MOB3B: variants seen among roughly 807,000 people sequenced by gnomAD.
The protein encoded by MOB3B is MOB kinase activator-like 2B.
MOB3B carries 7 observed loss-of-function variants against 18.7 expected under a neutral mutation model. The observed-to-expected ratio is 0.37, with a 90% CI of 0.21 to 0.70. MOB3B has a LOEUF of 0.70. Among genes scored for constraint, MOB3B ranks in the 30% least tolerant of loss-of-function variants. MOB3B has a pLI of 0.52. For missense variants in MOB3B, 253 were observed against 281.3 expected (o/e 0.90, Z 0.72); for synonymous variants, 111 against 99.9 (o/e 1.11, Z -0.66).
At chr9:27,369,251 T>A (rs1467192016) in intron 2 of MOB3B, among the ~76,000 whole-genome samples, 2 of 152,224 alleles carry the variant, frequency 1.3e-5, no homozygotes, top group Non-Finnish European at 2.9e-5. Flanking sequence ...TTCTTTGTCA[T>A]GGATGTAATA....
At chr9:27,525,342 C>T (rs1820420699) in intron 1 of MOB3B, among the ~76,000 whole-genome samples, 2 of 152,152 alleles carry the variant, frequency 1.3e-5, no homozygotes, top group African/African-American at 2.4e-5. Flanking sequence ...ATTTCAATGA[C>T]TTAACTGTTT....
Position 27,455,431 on chromosome 9 carries a change from C to T in MOB3B, c.120G>A (p.Ser40=), listed in dbSNP as rs751511404. The stretch of plus-strand genomic sequence containing the variant: ...GCACAGCCGCCTTCAGGTCCACACC[C>T]GAGTTGAGGGATGCCTGAGCCCGTT... ...LHKRAQASLN[S]GVDLKAAVQL... Residue 40 remains serine, a synonymous_variant, in exon 2 of 4, where the codon TCG becomes TCA. Transcript: ENST00000262244. 20 of 1,614,080 alleles carry T rather than the reference C, an allele frequency of 1.2e-5. No homozygotes were observed. Among genetic ancestry groups the T allele is most frequent in the East Asian group, 4.5e-5 (2 of 44,892 alleles).
intron 3 of MOB3B, among the ~76,000 whole-genome samples, chr9:27,354,018 G>A (rs945343135): frequency 6.6e-5 from 10 of 152,206 alleles, no homozygotes; most frequent in African/African-American, 2.4e-4. Context: ...GATCTGTCAC[G>A]TCTGTGTCTG....
chr9:27,405,366 A>C (rs188719585), intron 2 of MOB3B, among the ~76,000 whole-genome samples: 1 of 152,092 alleles, frequency 6.6e-6, no homozygotes, highest in Non-Finnish European at 1.5e-5. Flanking sequence ...TTGGCCTCCC[A>C]AAGTGCTGAG....
At chr9:27,421,758 T>TACTCTTCC (rs1374402972) in intron 2 of MOB3B, 2 of 152,316 alleles carry the variant, frequency 1.3e-5, no homozygotes, top group African/African-American at 4.8e-5. Flanking sequence ...AACCTTGGTA[T>TACTCTTCC]TCACTCTTCC....
rs542965866 is a variant in MOB3B, at chr9:27,379,134, C to T, written c.419-19898G>A. On this transcript the variant is annotated intron_variant, in intron 2 of 3. Coordinates refer to ENST00000262244, the MANE Select transcript of MOB3B (RefSeq NM_024761.5). ...AGACCACTTGCAAGGGTTGTTGGAG[C>T]GGGGATTCAGGCAAGGGAAGATGGT... is the stretch of plus-strand genomic sequence containing the variant. Among the ~76,000 whole-genome samples the T allele has an allele frequency of 4.3e-4, 65 of 152,230 alleles. No individual in the cohort carries two copies. The South Asian group carries it at 8.1e-3, about 19-fold the overall frequency.
intron 2 of MOB3B, among the ~76,000 whole-genome samples, chr9:27,432,091 G>C (rs1277423269): frequency 2.0e-5 from 3 of 152,126 alleles, no homozygotes; most frequent in Non-Finnish European, 4.4e-5. Context: ...CCAGAAACTT[G>C]CACTGCTAAA....
At chr9:27,395,237 G>A (rs1163616787) in intron 2 of MOB3B, among the ~76,000 whole-genome samples, 2 of 152,158 alleles carry the variant, frequency 1.3e-5, no homozygotes, top group Non-Finnish European at 2.9e-5. Context: ...GTTATATACT[G>A]TGTTGCATAT....
chr9:27,512,373 T>C (rs1156251853), intron 1 of MOB3B, among the ~76,000 whole-genome samples: 1 of 152,194 alleles, frequency 6.6e-6, no homozygotes, highest in Non-Finnish European at 1.5e-5. Context: ...GTGTGCCAAG[T>C]CCGAGACTCA....
chr9:27,384,817 G>C (rs570047984), intron 2 of MOB3B, among the ~76,000 whole-genome samples: 1 of 152,170 alleles, frequency 6.6e-6, no homozygotes, highest in Non-Finnish European at 1.5e-5. Flanking sequence ...GAACTGAGAC[G>C]GGTCCTTCTG....
At chr9:27,356,370 C>A (rs1821190766) in intron 3 of MOB3B, among the ~76,000 whole-genome samples, 1 of 152,214 alleles carries the variant, frequency 6.6e-6, no homozygotes, top group Non-Finnish European at 1.5e-5. Flanking sequence ...CCCAGGCCCC[C>A]AAAGAGGCCC....
At chr9:27,444,213 G>GAA in intron 2 of MOB3B, among the ~76,000 whole-genome samples, 3 of 81,878 alleles carry the variant, frequency 3.7e-5, no homozygotes, top group African/African-American at 1.5e-4. Flanking sequence ...AAGAAAGAAA[G>GAA]AAAGAAAAAG....
chr9:27,502,919 C>T (rs1820009949), intron 1 of MOB3B, among the ~76,000 whole-genome samples: 1 of 152,196 alleles, frequency 6.6e-6, no homozygotes. Flanking sequence ...CCCTTTGTGA[C>T]AAAGTCCTCT....
At chr9:27,439,372 C>A (rs1242524546) in intron 2 of MOB3B, among the ~76,000 whole-genome samples, 2 of 152,108 alleles carry the variant, frequency 1.3e-5, no homozygotes, top group African/African-American at 2.4e-5. Flanking sequence ...GCCGGTGAGA[C>A]TTTTATCTTT....
chr9:27,408,463 A>C (rs1029476015), intron 2 of MOB3B, among the ~76,000 whole-genome samples: 1 of 152,188 alleles, frequency 6.6e-6, no homozygotes, highest in African/African-American at 2.4e-5. Context: ...GGAAATCCAT[A>C]ACTTTGACTT....
chr9:27,405,051 T>G (rs1821945537), intron 2 of MOB3B, among the ~76,000 whole-genome samples: 1 of 149,552 alleles, frequency 6.7e-6, no homozygotes, highest in Non-Finnish European at 1.5e-5. Flanking sequence ...TGTTAGCCAT[T>G]TGTATGTCTT....
At chr9:27,510,511 G>C (rs1379062869) in intron 1 of MOB3B, among the ~76,000 whole-genome samples, 2 of 152,138 alleles carry the variant, frequency 1.3e-5, no homozygotes, top group Admixed American at 1.3e-4. Context: ...AAAGTATGTA[G>C]TCAAATAAGT....
intron 1 of MOB3B, among the ~76,000 whole-genome samples, chr9:27,517,606 C>A (rs548198147): frequency 7.5e-6 from 1 of 132,852 alleles, no homozygotes; most frequent in African/African-American, 2.9e-5. Context: ...AGAGATCATG[C>A]CACTGCACTC....
intron 1 of MOB3B, among the ~76,000 whole-genome samples, chr9:27,478,818 C>CAT (rs1819601613): frequency 1.4e-5 from 2 of 141,268 alleles, no homozygotes; most frequent in Admixed American, 7.0e-5. Flanking sequence ...AAGACACACA[C>CAT]ACACACACAC....
Sources: gnomAD v4.1 joint callset for allele counts (sites outside exome capture counted in the v4.1 genomes callset) on GRCh38, gnomAD v4.1.1 for gene constraint, MANE v1.5 for transcripts, NCBI Gene and HGNC (gene_info 2026-07-23, HGNC 2026-07-21) for gene names.